Variants in WWOX observed in about 807,000 individuals in gnomAD.
WWOX encodes the protein WW domain containing oxidoreductase, also known as WW domain-containing oxidoreductase.
Under a neutral mutation model 46.2 loss-of-function variants are expected in WWOX, and 69 were observed. The ratio of observed to expected loss-of-function variants is 1.49; its 90% confidence interval spans 1.23 to 1.82. The LOEUF (loss-of-function observed/expected upper bound fraction) is 1.82, where lower values mean the gene tolerates loss of function less well. Ranked by LOEUF, WWOX falls within the 40% of genes most tolerant of loss-of-function variation. WWOX has a pLI of 0.00. For missense variants in WWOX, 919 were observed against 542.6 expected, an observed-to-expected ratio of 1.69 and a Z score of -6.89; for synonymous variants, 359 against 202.6, an observed-to-expected ratio of 1.77 and a Z score of -6.56.
chr16:79,026,020 C>G (rs2047633734), intron 8 of WWOX, among the ~76,000 whole-genome samples: 5 of 151,468 alleles, frequency 3.3e-5, no homozygotes. Flanking sequence ...AGGCTGGTCT[C>G]AAATTCCTGG....
At chr16:78,909,142 A>G (rs2151252817) in intron 8 of WWOX, among the ~76,000 whole-genome samples, 1 of 152,348 alleles carries the variant, frequency 6.6e-6, no homozygotes, top group Middle Eastern at 3.4e-3. Context: ...AGCAAGATAG[A>G]GTCAGTTACA....
Position 78,747,610 on chromosome 16 carries a change from C to T in WWOX, c.1056+314858C>T, listed in dbSNP as rs58030335. Among the ~76,000 whole-genome samples the T allele has an allele frequency of 5.7e-3, 866 of 152,180 alleles. 10 individuals carry two copies. Among genetic ancestry groups the T allele is most frequent in the African/African-American group, 0.02 (828 of 41,516 alleles). On this transcript the variant is annotated intron_variant, in intron 8 of 8. Transcript: ENST00000566780. ...TTACTTAGCTAGCAAATGGTGGAGT[C>T]GAATTCAAACCCTGCCTCTCCTCAC...
chr16:78,851,969 C>A (rs542984610), intron 8 of WWOX, among the ~76,000 whole-genome samples: 1 of 152,314 alleles, frequency 6.6e-6, no homozygotes, highest in East Asian at 1.9e-4. Flanking sequence ...AATCTTCATT[C>A]ATTCCTCAGC....
chr16:78,959,182 T>C (rs913317331), intron 8 of WWOX, among the ~76,000 whole-genome samples: 1 of 152,248 alleles, frequency 6.6e-6, no homozygotes, highest in Non-Finnish European at 1.5e-5. Context: ...ATGGGCCATC[T>C]CTACGTCAAG....
At chr16:79,180,550 G>T (rs1261600242) in intron 8 of WWOX, among the ~76,000 whole-genome samples, 1 of 152,168 alleles carries the variant, frequency 6.6e-6, no homozygotes, top group Non-Finnish European at 1.5e-5. Flanking sequence ...AGGGGCAGGA[G>T]GAATTGGGGA....
chr16:78,790,623 T>TTTTC, intron 8 of WWOX, among the ~76,000 whole-genome samples: 1 of 152,148 alleles, frequency 6.6e-6, no homozygotes, highest in Non-Finnish European at 1.5e-5. Context: ...GGCAGATTAA[T>TTTTC]TTTCTTTCTT....
intron 8 of WWOX, among the ~76,000 whole-genome samples, chr16:78,643,590 G>T (rs1363831188): frequency 6.6e-6 from 1 of 152,136 alleles, no homozygotes; most frequent in Non-Finnish European, 1.5e-5. Context: ...GGAGAGGGAG[G>T]TTAATCAGCC....
intron 6 of WWOX, among the ~76,000 whole-genome samples, chr16:78,417,714 CAG>C (rs373927028): frequency 2.6e-4 from 40 of 152,156 alleles, no homozygotes; most frequent in African/African-American, 8.0e-4. Context: ...TGATTTGAAG[CAG>C]AGTCTAATGA....
chr16:78,692,015 G>A (rs984023011), intron 8 of WWOX, among the ~76,000 whole-genome samples: 1 of 152,176 alleles, frequency 6.6e-6, no homozygotes, highest in Non-Finnish European at 1.5e-5. Flanking sequence ...TCTTGCCACT[G>A]CCATGTAAGA....
chr16:78,495,891 G>A (rs7204870), intron 8 of WWOX: 112,864 of 151,976 alleles, frequency 0.74, 44,266 homozygotes, highest in Admixed American at 0.87. Flanking sequence ...TATAATTTTC[G>A]GTTACTAGTT....
intron 8 of WWOX, among the ~76,000 whole-genome samples, chr16:78,733,010 C>G (rs8059617): frequency 6.6e-6 from 1 of 152,128 alleles, no homozygotes; most frequent in Admixed American, 6.6e-5. Flanking sequence ...TTTGTCAGGA[C>G]CCATTCCTTT....
At position 78,411,453 on chromosome 16, in the gene WWOX, G is replaced by C. The variant is rs541789360; in HGVS notation, c.606-13417G>C. Reference sequence around the variant, plus strand: ...AGGAATTTGACAGAGGGAATGGCACGAATAAAGACCCAGACTTAATCAAGT... The same window carrying C: ...AGGAATTTGACAGAGGGAATGGCACCAATAAAGACCCAGACTTAATCAAGT... On this transcript the variant is annotated intron_variant, in intron 6 of 8. Transcript: ENST00000566780. 2.6e-5 allele frequency among the ~76,000 whole-genome samples: 4 copies of C among 152,194 alleles called. No homozygotes were observed. The South Asian group carries it at 8.3e-4, about 32-fold the overall frequency.
intron 8 of WWOX, among the ~76,000 whole-genome samples, chr16:79,093,261 G>T (rs904341260): frequency 6.6e-6 from 1 of 152,160 alleles, no homozygotes; most frequent in Non-Finnish European, 1.5e-5. Context: ...TTTTGGAGGC[G>T]AAAGATACAC....
chr16:78,670,164 T>A (rs914563681), intron 8 of WWOX, among the ~76,000 whole-genome samples: 1 of 152,142 alleles, frequency 6.6e-6, no homozygotes, highest in African/African-American at 2.4e-5. Flanking sequence ...TCACCCCTTA[T>A]TCTCTGGTTC....
chr16:78,367,196 G>A (rs528768139), intron 5 of WWOX, among the ~76,000 whole-genome samples: 2 of 151,810 alleles, frequency 1.3e-5, no homozygotes, highest in Non-Finnish European at 2.9e-5. Flanking sequence ...AGCCACTTTG[G>A]TCTCAATCTC....
At chr16:78,139,630 G>A (rs2033918405) in intron 4 of WWOX, among the ~76,000 whole-genome samples, 1 of 152,340 alleles carries the variant, frequency 6.6e-6, no homozygotes, top group African/African-American at 2.4e-5. Context: ...AGGCGATAGA[G>A]TGAGACTCTG....
At chr16:78,261,777 T>G (rs1382828301) in intron 5 of WWOX, among the ~76,000 whole-genome samples, 9 of 37,982 alleles carry the variant, frequency 2.4e-4, no homozygotes, top group South Asian at 2.0e-3. Context: ...TCTATGTATC[T>G]ATCTATCTAT....
chr16:79,064,811 T>C (rs1287948396), intron 8 of WWOX, among the ~76,000 whole-genome samples: 1 of 152,180 alleles, frequency 6.6e-6, no homozygotes, highest in Non-Finnish European at 1.5e-5. Context: ...CAAATAAGCT[T>C]AACTTATTTA....
intron 8 of WWOX, among the ~76,000 whole-genome samples, chr16:79,142,648 A>AT (rs1283067667): frequency 6.6e-6 from 1 of 152,048 alleles, no homozygotes; most frequent in Non-Finnish European, 1.5e-5. Flanking sequence ...ATCTCAAAAC[A>AT]TTTTTTCAAC....
Sources: allele counts gnomAD v4.1 joint callset (sites outside exome capture counted in the v4.1 genomes callset), GRCh38; gene constraint gnomAD v4.1.1; transcripts MANE v1.5; gene names NCBI Gene and HGNC (gene_info 2026-07-23, HGNC 2026-07-21).